The following RPS6KA2 variants were observed in gnomAD, a reference collection of about 807,000 sequenced individuals.
RPS6KA2 encodes ribosomal protein S6 kinase alpha-2.
Under a neutral mutation model 91.8 loss-of-function variants are expected in RPS6KA2, and 42 were observed. That is an observed-to-expected ratio of 0.46 (90% CI 0.36 to 0.59). The LOEUF (loss-of-function observed/expected upper bound fraction) is 0.59. Among genes scored for constraint, RPS6KA2 ranks in the 20% least tolerant of loss-of-function variants. RPS6KA2 has a pLI of 0.00. For synonymous variants in RPS6KA2, 414 were observed against 393.6 expected (o/e 1.05, Z -0.61); for missense variants, 798 against 978.5 (o/e 0.82, Z 2.46).
intron 5 of RPS6KA2, among the ~76,000 whole-genome samples, chr6:166,507,803 CAT>C (rs148972815): frequency 4.9e-3 from 738 of 151,296 alleles, no homozygotes; most frequent in Non-Finnish European, 8.5e-3. Context: ...ACACTTATCA[CAT>C]GACACATGCA....
chr6:166,594,388 C>G (rs1342393073), intron 1 of RPS6KA2, among the ~76,000 whole-genome samples: 1 of 152,004 alleles, frequency 6.6e-6, no homozygotes, highest in African/African-American at 2.4e-5. Flanking sequence ...TTTTAGTAAG[C>G]AGATCAAATA....
At chr6:166,489,299 T>A (rs1196317453) in intron 9 of RPS6KA2, among the ~76,000 whole-genome samples, 2 of 152,250 alleles carry the variant, frequency 1.3e-5, no homozygotes, top group Admixed American at 1.3e-4. Flanking sequence ...TTCTCAAACA[T>A]ACATATAAAA....
intron 2 of RPS6KA2, among the ~76,000 whole-genome samples, chr6:166,641,899 TAGA>T (rs1349789521): frequency 6.6e-6 from 1 of 151,190 alleles, no homozygotes; most frequent in Non-Finnish European, 1.5e-5. Flanking sequence ...ATATGGAAGA[TAGA>T]AGGAGAAAAA....
chr6:166,797,994 C>T (rs1779268075), intron 2 of RPS6KA2, among the ~76,000 whole-genome samples: 1 of 152,122 alleles, frequency 6.6e-6, no homozygotes, highest in Non-Finnish European at 1.5e-5. Flanking sequence ...CGGTGAAAAG[C>T]AGCAGAAGAA....
chr6:166,538,639 A>C (rs755973442), intron 2 of RPS6KA2, 29 bp downstream of exon 2: 1 of 1,271,918 alleles, frequency 7.9e-7, no homozygotes, highest in East Asian at 2.3e-5. Context: ...CAGGAATGAG[A>C]CTCAAGAGAC....
chr6:166,506,145 G>A (rs546080535), intron 5 of RPS6KA2, among the ~76,000 whole-genome samples: 3 of 152,186 alleles, frequency 2.0e-5, no homozygotes, highest in African/African-American at 2.4e-5. Flanking sequence ...GCACAGCGAC[G>A]GTCCCCATAA....
At chr6:166,702,899 G>C in intron 2 of RPS6KA2, 1 of 705,596 alleles carries the variant, frequency 1.4e-6, no homozygotes, top group Middle Eastern at 4.2e-4. Flanking sequence ...AACCACCCAC[G>C]GTGATGGATG....
At chr6:166,470,333 CG>C (rs1195899013) in intron 10 of RPS6KA2, among the ~76,000 whole-genome samples, 1 of 152,144 alleles carries the variant, frequency 6.6e-6, no homozygotes, top group East Asian at 1.9e-4. Context: ...GCAGTTAACC[CG>C]GGAGGGAAGG....
intron 2 of RPS6KA2, among the ~76,000 whole-genome samples, chr6:166,689,662 T>A (rs547838880): frequency 1.3e-5 from 2 of 152,070 alleles, no homozygotes; most frequent in African/African-American, 4.8e-5. Context: ...GGAGACTGAG[T>A]GCAGGCATCT....
intron 2 of RPS6KA2, among the ~76,000 whole-genome samples, chr6:166,811,077 A>C (rs1562451804): frequency 6.6e-6 from 1 of 152,250 alleles, no homozygotes; most frequent in Non-Finnish European, 1.5e-5. Context: ...CATCACACTA[A>C]GAAGAGAAAA....
intron 8 of RPS6KA2, among the ~76,000 whole-genome samples, chr6:166,496,668 G>C (rs1170633323): frequency 6.6e-6 from 1 of 152,152 alleles, no homozygotes; most frequent in Admixed American, 6.5e-5. Context: ...TTACACAAAG[G>C]CTGGCCCGCA....
At chr6:166,793,119 C>T (rs924170498) in intron 2 of RPS6KA2, among the ~76,000 whole-genome samples, 3 of 152,042 alleles carry the variant, frequency 2.0e-5, no homozygotes, top group Non-Finnish European at 4.4e-5. Flanking sequence ...CTGTCTCAGC[C>T]CAAAATCTCC....
rs969598608 is a variant in RPS6KA2, at chr6:166,490,926, T to G, written c.748-185A>C. Among the ~76,000 whole-genome samples, 2 of 152,216 alleles carry G rather than the reference T, an allele frequency of 1.3e-5. No homozygotes were observed. Among genetic ancestry groups the G allele is most frequent in the African/African-American group, 4.8e-5 (2 of 41,454 alleles). ...GTGACTAAAACTGCCTCGCAGAGCT[T>G]GCCATTTGGTGGGTGAGACGGGTAA... On this transcript the variant is annotated intron_variant, in intron 8 of 20. Transcript: ENST00000265678. This position sits in a 1 kb window ranked among gnomAD's most constrained non-coding sequence, Gnocchi z 4.2.
intron 1 of RPS6KA2, chr6:166,542,390 C>T (rs1437531569): frequency 6.6e-6 from 1 of 152,208 alleles, no homozygotes; most frequent in East Asian, 1.9e-4. Context: ...CAAGTCTGTT[C>T]CTGAATCGGC....
rs1021581906 is a variant in RPS6KA2, at chr6:166,732,877, G to T, written c.123+125323C>A. Among the ~76,000 whole-genome samples the T allele has an allele frequency of 6.6e-5, 10 of 151,588 alleles. No individual in the cohort carries two copies. Among genetic ancestry groups the T allele is most frequent in the Admixed American group, 6.5e-4 (10 of 15,284 alleles). Reference sequence around the variant, plus strand: ...CAAAGTGAAGGCTGCTCTGGTTCAAGTTGGTGTTCAAATAAAAGTAAGTCA... The same window carrying T: ...CAAAGTGAAGGCTGCTCTGGTTCAATTTGGTGTTCAAATAAAAGTAAGTCA... On this transcript the variant is annotated intron_variant, in intron 2 of 21. Transcript: ENST00000503859. The surrounding 1 kb of genome is among the most constrained non-coding windows in gnomAD (Gnocchi z 4.0).
Position 166,432,634 on chromosome 6 carries a change from A to G in RPS6KA2, c.1333-144T>C, listed in dbSNP as rs1010753239. On this transcript the variant is annotated intron_variant, in intron 14 of 20. Coordinates refer to ENST00000265678, the MANE Select transcript of RPS6KA2 (RefSeq NM_021135.6). ...TCACACCCGACCAAGAGATAACCTG[A>G]GATTGTCTGGAGATTCATGGCAAGT... The G allele has an allele frequency of 5.5e-5, 31 of 567,262 alleles. No individual in the cohort carries two copies. In the African/African-American group the frequency reaches 5.7e-4, roughly 10 times the overall value. The allele number at this position is 567,262 out of a possible 1,614,324, so 35.1% of individuals were successfully genotyped here.
intron 5 of RPS6KA2, among the ~76,000 whole-genome samples, chr6:166,504,953 T>G (rs970733952): frequency 2.0e-5 from 3 of 152,228 alleles, no homozygotes; most frequent in African/African-American, 7.2e-5. Flanking sequence ...CATTCTAGCA[T>G]GAGTGCTGCT....
intron 2 of RPS6KA2, chr6:166,702,916 G>T: frequency 1.5e-6 from 1 of 673,058 alleles, no homozygotes. Flanking sequence ...GATGGATCCA[G>T]CTGGTTTTGT....
intron 2 of RPS6KA2, among the ~76,000 whole-genome samples, chr6:166,781,389 G>A (rs1379965962): frequency 6.6e-6 from 1 of 152,192 alleles, no homozygotes; most frequent in African/African-American, 2.4e-5. Context: ...TCCCAGGGAA[G>A]ACTAGCCAAC....
Sources: gnomAD v4.1 joint callset for allele counts (sites outside exome capture counted in the v4.1 genomes callset) on GRCh38, gnomAD v4.1.1 for gene constraint, Gnocchi (gnomAD v3.1) non-coding constraint, MANE v1.5 for transcripts, NCBI Gene and HGNC (gene_info 2026-07-23, HGNC 2026-07-21) for gene names.